SNTG1: variants seen among roughly 807,000 people sequenced by gnomAD.
SNTG1 encodes the protein syntrophin gamma 1, also known as gamma-1-syntrophin.
A neutral mutation model predicts 74.7 loss-of-function variants in SNTG1; 39 were observed. The ratio of observed to expected loss-of-function variants is 0.52; its 90% CI spans 0.40 to 0.68. SNTG1 has a LOEUF of 0.68. Ranked by LOEUF, SNTG1 falls within the 30% of genes least tolerant of loss-of-function variation. The pLI is 0.00. For synonymous variants in SNTG1, 254 were observed against 217.1 expected, an observed-to-expected ratio of 1.17 and a Z score of -1.49; for missense variants, 685 against 609.5, an observed-to-expected ratio of 1.12 and a Z score of -1.30.
At chr8:50,026,805 T>C (rs1237857181) in intron 1 of SNTG1, among the ~76,000 whole-genome samples, 2 of 152,184 alleles carry the variant, frequency 1.3e-5, no homozygotes, top group Non-Finnish European at 2.9e-5. Flanking sequence ...TTTAAATTTA[T>C]AGATTTTGCA....
At chr8:50,309,013 A>G (rs1258858726) in intron 2 of SNTG1, among the ~76,000 whole-genome samples, 1 of 152,182 alleles carries the variant, frequency 6.6e-6, no homozygotes, top group East Asian at 1.9e-4. Flanking sequence ...CTGATAGAAC[A>G]CAAATGTGTC....
chr8:50,703,650 A>G (rs892745572), intron 15 of SNTG1, among the ~76,000 whole-genome samples: 7 of 152,112 alleles, frequency 4.6e-5, no homozygotes, highest in Non-Finnish European at 1.0e-4. Context: ...CTTTCTTATC[A>G]TCATTATTAT....
chr8:50,690,524 G>A (rs562200964), intron 15 of SNTG1, among the ~76,000 whole-genome samples: 3 of 152,164 alleles, frequency 2.0e-5, no homozygotes, highest in African/African-American at 7.2e-5. Flanking sequence ...TCATTCAGGA[G>A]CAGGTTGTTC....
chr8:50,265,597 G>A (rs1352162973), intron 2 of SNTG1, among the ~76,000 whole-genome samples: 6 of 151,872 alleles, frequency 4.0e-5, no homozygotes, highest in East Asian at 3.9e-4. Flanking sequence ...ACTTCTATTC[G>A]AATTTGACAG....
At chr8:49,915,925 CAGT>C (rs1805988845) in intron 1 of SNTG1, among the ~76,000 whole-genome samples, 1 of 152,088 alleles carries the variant, frequency 6.6e-6, no homozygotes, top group Non-Finnish European at 1.5e-5. Context: ...ATCGAATAAG[CAGT>C]ATTTCATTGC....
chr8:50,346,929 T>C (rs1587245191), intron 2 of SNTG1, among the ~76,000 whole-genome samples: 1 of 152,246 alleles, frequency 6.6e-6, no homozygotes, highest in Admixed American at 6.5e-5. Flanking sequence ...GGTCATGAGG[T>C]TTAAGGAAAG....
chr8:50,369,851 GAA>G (rs1172008243), intron 2 of SNTG1, among the ~76,000 whole-genome samples: 4 of 152,144 alleles, frequency 2.6e-5, no homozygotes, highest in Non-Finnish European at 5.9e-5. Context: ...TCATTCTAGG[GAA>G]AGAGACTTTT....
At chr8:49,927,581 T>C (rs2129351406) in intron 1 of SNTG1, among the ~76,000 whole-genome samples, 1 of 152,286 alleles carries the variant, frequency 6.6e-6, no homozygotes, top group East Asian at 1.9e-4. Flanking sequence ...GGCTACATAT[T>C]ATATTATTCC....
chr8:50,269,314 G>A (rs2087652874), intron 2 of SNTG1, among the ~76,000 whole-genome samples: 1 of 152,024 alleles, frequency 6.6e-6, no homozygotes, highest in African/African-American at 2.4e-5. Flanking sequence ...GTAAATATTT[G>A]CAAACAAATA....
At chr8:50,204,310 A>G (rs2084110658) in intron 2 of SNTG1, among the ~76,000 whole-genome samples, 1 of 152,086 alleles carries the variant, frequency 6.6e-6, no homozygotes, top group African/African-American at 2.4e-5. Context: ...TTGTCCAGTA[A>G]ATATGGCACT....
At chr8:50,386,247 T>A (rs1364157505) in intron 2 of SNTG1, among the ~76,000 whole-genome samples, 1 of 152,086 alleles carries the variant, frequency 6.6e-6, no homozygotes, top group Non-Finnish European at 1.5e-5. Context: ...GAGCTAAAAC[T>A]CCGCTGGTTA....
chr8:50,080,641 T>A (rs150782690), intron 1 of SNTG1, among the ~76,000 whole-genome samples: 1 of 152,296 alleles, frequency 6.6e-6, no homozygotes, highest in Admixed American at 6.5e-5. Context: ...TGGTTTATGT[T>A]AGGGGTTGGC....
At chr8:50,448,044 G>A (rs1383820) in intron 5 of SNTG1, among the ~76,000 whole-genome samples, 130,531 of 151,736 alleles carry the variant, frequency 0.86, 56,276 homozygotes, top group Non-Finnish European at 0.89. Flanking sequence ...CTCTGTTCAG[G>A]TCAGAGGCAG....
At chr8:50,448,983 G>A (rs530439546) in intron 5 of SNTG1, among the ~76,000 whole-genome samples, 7 of 152,110 alleles carry the variant, frequency 4.6e-5, no homozygotes, top group South Asian at 2.1e-4. Context: ...AGCCAAGATC[G>A]CGCCATGGCA....
intron 2 of SNTG1, among the ~76,000 whole-genome samples, chr8:50,211,932 A>C (rs1360293458): frequency 6.6e-6 from 1 of 152,094 alleles, no homozygotes; most frequent in South Asian, 2.1e-4. Context: ...ATTATTTTCT[A>C]AAGGAGAAAT....
chr8:50,626,701 C>T (rs1452261026), intron 13 of SNTG1, among the ~76,000 whole-genome samples: 2 of 152,154 alleles, frequency 1.3e-5, no homozygotes, highest in East Asian at 1.9e-4. Context: ...TGCCTTTAAG[C>T]GGTTTTCTGC....
intron 1 of SNTG1, among the ~76,000 whole-genome samples, chr8:50,016,448 A>G (rs1243703810): frequency 1.3e-5 from 2 of 152,090 alleles, no homozygotes; most frequent in South Asian, 2.1e-4. Flanking sequence ...CTTCTTGTAT[A>G]GTTGTAAGGG....
rs1359661058 is a variant in SNTG1, at chr8:50,778,223, C to T, written c.1396-14448C>T. Among the ~76,000 whole-genome samples, 12 of 152,160 alleles carry T rather than the reference C, an allele frequency of 7.9e-5. No individual in the cohort carries two copies. In the East Asian group the frequency reaches 1.9e-3, roughly 24 times the overall value. ...AGTCCTTTGGGTATATACCCAGTAACAGGATGGCTGGGTCAAATGGTATTT... is the reference window on the plus strand; with the variant it reads ...AGTCCTTTGGGTATATACCCAGTAATAGGATGGCTGGGTCAAATGGTATTT... On this transcript the variant is annotated intron_variant, in intron 18 of 18. Coordinates refer to ENST00000642720, the MANE Select transcript of SNTG1 (RefSeq NM_018967.5).
intron 2 of SNTG1, among the ~76,000 whole-genome samples, chr8:50,263,775 G>C (rs2087315457): frequency 6.6e-6 from 1 of 152,094 alleles, no homozygotes; most frequent in South Asian, 2.1e-4. Flanking sequence ...TTCAATACAG[G>C]TAGAGCAAGC....
Sources: allele counts gnomAD v4.1 joint callset (sites outside exome capture counted in the v4.1 genomes callset), GRCh38; gene constraint gnomAD v4.1.1; transcripts MANE v1.5; gene names NCBI Gene and HGNC (gene_info 2026-07-23, HGNC 2026-07-21).